Variants in PPFIA2 observed in about 807,000 individuals in gnomAD.
The protein encoded by PPFIA2 is PPFI scaffold protein A2, also known as liprin-alpha-2.
In PPFIA2, 46 loss-of-function variants were observed where a neutral mutation model predicts 175.5. The ratio of observed to expected loss-of-function variants is 0.26; its 90% CI spans 0.21 to 0.34. The LOEUF (loss-of-function observed/expected upper bound fraction) is 0.34. Ranked by LOEUF, PPFIA2 falls within the 10% of genes least tolerant of loss-of-function variation. The probability of loss-of-function intolerance (pLI) is 1.00; values close to 1 mark genes in which losing one functional copy is unlikely to be tolerated. For synonymous variants in PPFIA2, 568 were observed against 511.4 expected (o/e 1.11, Z -1.49); for missense variants, 1,179 against 1,506.1 (o/e 0.78, Z 3.60).
At chr12:81,594,868 G>A (rs1438301217) in intron 4 of PPFIA2, among the ~76,000 whole-genome samples, 2 of 151,972 alleles carry the variant, frequency 1.3e-5, no homozygotes, top group Non-Finnish European at 2.9e-5. Flanking sequence ...AGCTTTTATT[G>A]GGCCACTGCA....
At chr12:81,518,236 C>T (rs1366240384) in intron 4 of PPFIA2, among the ~76,000 whole-genome samples, 1 of 152,118 alleles carries the variant, frequency 6.6e-6, no homozygotes, top group East Asian at 1.9e-4. Context: ...GGATATTGAC[C>T]ATCTCTTTTA....
chr12:81,260,033 A>G (rs920654234), intron 32 of PPFIA2: 2 of 164,490 alleles, frequency 1.2e-5, no homozygotes, highest in African/African-American at 4.8e-5. Context: ...TATATTTTAG[A>G]GTTCTTAAAA....
At chr12:81,739,593 T>C (rs1227994347) in intron 3 of PPFIA2, among the ~76,000 whole-genome samples, 3 of 152,018 alleles carry the variant, frequency 2.0e-5, no homozygotes, top group Non-Finnish European at 4.4e-5. Flanking sequence ...AAAAACTTGG[T>C]CAATTAATCT....
intron 11 of PPFIA2, among the ~76,000 whole-genome samples, chr12:81,372,453 A>C (rs2141596988): frequency 6.6e-6 from 1 of 150,852 alleles, no homozygotes; most frequent in Admixed American, 6.6e-5. Context: ...CAAAAGGTTA[A>C]TGAACAGAAA....
intron 7 of PPFIA2, among the ~76,000 whole-genome samples, chr12:81,421,315 A>T (rs913804221): frequency 3.9e-5 from 6 of 152,214 alleles, no homozygotes; most frequent in Non-Finnish European, 8.8e-5. Context: ...TTTTAATCCT[A>T]CTATAAAGGT....
At chr12:81,531,163 G>A (rs368458661) in intron 4 of PPFIA2, among the ~76,000 whole-genome samples, 1 of 151,828 alleles carries the variant, frequency 6.6e-6, no homozygotes, top group Non-Finnish European at 1.5e-5. Context: ...CTTATTCCCA[G>A]CGAATAGAAG....
In PPFIA2 at chr12:81,533,711, CTATCTATCTATCTATCTATCTATCTATA is replaced by C. The variant is rs67150168; in HGVS notation, c.304-75873_304-75846del. On this transcript the variant is annotated intron_variant, in intron 4 of 32. Coordinates refer to ENST00000549396, the MANE Select transcript of PPFIA2 (RefSeq NM_003625.5). ...TTCACAAATCTATCTATCTATCTATCTATCTATCTATCTATCTATCTATCTATATATCTATCTATCTACATATATATAT... is the reference window on the plus strand; with the variant it reads ...TTCACAAATCTATCTATCTATCTATCTATCTATCTATCTACATATATATAT... Among the ~76,000 whole-genome samples, 341 of 131,442 alleles carry C rather than the reference CTATCTATCTATCTATCTATCTATCTATA, an allele frequency of 2.6e-3. 1 individual carries two copies. Among genetic ancestry groups the C allele is most frequent in the Admixed American group, 4.4e-3 (56 of 12,664 alleles). 86.2% of individuals were successfully genotyped at this position (131,442 alleles called of 152,430 possible). A position where few individuals can be genotyped will look rare whatever the true frequency, so the allele number is the denominator to read the frequency against.
chr12:81,325,771 AC>A lies in PPFIA2; in HGVS notation c.2642+5del. 1 of 1,605,032 alleles carries A rather than the reference AC, an allele frequency of 6.2e-7. No individual in the cohort carries two copies. The highest frequency in any genetic ancestry group is 8.5e-7 in the Non-Finnish European group (1 of 1,172,492). ...TAGAAAAAGAGGGAAAAATCCCCAA[AC>A]CTACTTTTTCTTTAGTCTTCGATCC... On this transcript the variant is annotated splice_donor_5th_base_variant and intron_variant, in intron 22 of 32. Coordinates refer to ENST00000549396, the MANE Select transcript of PPFIA2 (RefSeq NM_003625.5).
At chr12:81,687,801 T>A (rs2074653106) in intron 3 of PPFIA2, among the ~76,000 whole-genome samples, 1 of 151,976 alleles carries the variant, frequency 6.6e-6, no homozygotes, top group Non-Finnish European at 1.5e-5. Context: ...CATGGAAAGC[T>A]ACCTATTGAT....
intron 4 of PPFIA2, among the ~76,000 whole-genome samples, chr12:81,467,409 C>A (rs1280772494): frequency 6.6e-6 from 1 of 152,146 alleles, no homozygotes; most frequent in East Asian, 1.9e-4. Context: ...ATGTCTCTGG[C>A]CAGGCGTGGT....
At chr12:81,268,399 A>G (rs948288741) in intron 28 of PPFIA2, among the ~76,000 whole-genome samples, 1 of 151,718 alleles carries the variant, frequency 6.6e-6, no homozygotes, top group Non-Finnish European at 1.5e-5. Flanking sequence ...CGGCCTCCCA[A>G]AGTGCTGGGA....
intron 3 of PPFIA2, among the ~76,000 whole-genome samples, chr12:81,689,846 G>A (rs2075006705): frequency 6.6e-6 from 1 of 151,982 alleles, no homozygotes; most frequent in Non-Finnish European, 1.5e-5. Flanking sequence ...ACACCACCAG[G>A]TAAGAATTTC....
At chr12:81,399,866 T>C (rs1362325045) in intron 8 of PPFIA2, among the ~76,000 whole-genome samples, 1 of 152,132 alleles carries the variant, frequency 6.6e-6, no homozygotes, top group African/African-American at 2.4e-5. Context: ...TGCAATCCAT[T>C]TGTAAATAAG....
chr12:81,619,881 C>T (rs537746328), intron 4 of PPFIA2, among the ~76,000 whole-genome samples: 3 of 152,182 alleles, frequency 2.0e-5, no homozygotes, highest in Admixed American at 6.5e-5. Context: ...AAAGGCAGGC[C>T]AGGCGCGGTG....
chr12:81,503,136 G>T (rs1317234826), intron 4 of PPFIA2, among the ~76,000 whole-genome samples: 1 of 152,096 alleles, frequency 6.6e-6, no homozygotes, highest in Non-Finnish European at 1.5e-5. Flanking sequence ...AGTCCTTTCT[G>T]CCTCTCCCTC....
chr12:81,530,732 A>C (rs1377593270), intron 4 of PPFIA2, among the ~76,000 whole-genome samples: 1 of 149,132 alleles, frequency 6.7e-6, no homozygotes, highest in Non-Finnish European at 1.5e-5. Flanking sequence ...CCCAGAGAAA[A>C]TTGAGGAGGA....
At chr12:81,386,232 C>A (rs923030342) in intron 8 of PPFIA2, among the ~76,000 whole-genome samples, 2 of 151,268 alleles carry the variant, frequency 1.3e-5, no homozygotes, top group African/African-American at 2.4e-5. Context: ...GAGCCATGAT[C>A]ATGCCACAGC....
At chr12:81,593,391 C>T (rs546797586) in intron 4 of PPFIA2, among the ~76,000 whole-genome samples, 24 of 152,286 alleles carry the variant, frequency 1.6e-4, no homozygotes, top group South Asian at 4.1e-4. Flanking sequence ...TCTTTAGATA[C>T]TATCCCTATT....
chr12:81,288,048 A>T (rs972426581), intron 24 of PPFIA2, among the ~76,000 whole-genome samples: 2 of 151,820 alleles, frequency 1.3e-5, no homozygotes, highest in Non-Finnish European at 2.9e-5. Flanking sequence ...TCTAACATGA[A>T]ATTTATAAAA....
Sources: gnomAD v4.1 joint callset for allele counts (sites outside exome capture counted in the v4.1 genomes callset) on GRCh38, gnomAD v4.1.1 for gene constraint, MANE v1.5 for transcripts, NCBI Gene and HGNC (gene_info 2026-07-23, HGNC 2026-07-21) for gene names.